ANKRD44: variants seen among roughly 807,000 people sequenced by gnomAD.
ANKRD44 encodes the protein ankyrin repeat domain 44.
A neutral mutation model predicts 116.0 loss-of-function variants in ANKRD44; 35 were observed. The observed-to-expected ratio is 0.30, with a 90% CI of 0.23 to 0.40. The LOEUF (loss-of-function observed/expected upper bound fraction) is 0.40, where lower values mean the gene tolerates loss of function less well. ANKRD44 is among the 10% of genes least tolerant of loss of function. The pLI, the probability that ANKRD44 is intolerant of heterozygous loss-of-function variation, is 1.00. For synonymous variants in ANKRD44, 435 were observed against 461.8 expected, an observed-to-expected ratio of 0.94 and a Z score of 0.74; for missense variants, 1,014 against 1,242.6, an observed-to-expected ratio of 0.82 and a Z score of 2.77.
intron 1 of ANKRD44, among the ~76,000 whole-genome samples, chr2:197,300,310 AC>A (rs1346223257): frequency 2.6e-5 from 4 of 152,102 alleles, no homozygotes; most frequent in Non-Finnish European, 5.9e-5. Flanking sequence ...AAATTTAGTC[AC>A]CAGGTTACCT....
intron 2 of ANKRD44, among the ~76,000 whole-genome samples, chr2:197,169,049 C>A (rs1006053623): frequency 2.6e-5 from 4 of 152,190 alleles, no homozygotes; most frequent in Non-Finnish European, 5.9e-5. Flanking sequence ...GCTCTGATGA[C>A]CGGCCCCTTT....
At chr2:197,025,111 C>T in intron 17 of ANKRD44, 85 bp downstream of exon 17, 1 of 1,356,090 alleles carries the variant, frequency 7.4e-7, no homozygotes, top group Non-Finnish European at 1.1e-6. Context: ...TGTGTTACTA[C>T]ATTTACATTT....
At chr2:197,177,211 T>A (rs2080386438) in intron 2 of ANKRD44, among the ~76,000 whole-genome samples, 1 of 152,222 alleles carries the variant, frequency 6.6e-6, no homozygotes, top group African/African-American at 2.4e-5. Context: ...TTTTTCATTG[T>A]AAAAGAAATT....
intron 1 of ANKRD44, among the ~76,000 whole-genome samples, chr2:197,193,707 G>A (rs1161801841): frequency 6.6e-6 from 1 of 151,932 alleles, no homozygotes; most frequent in Non-Finnish European, 1.5e-5. Flanking sequence ...GTGAAACCCC[G>A]TCTCTACTAA....
At chr2:196,979,314 C>T (rs2075782358) in intron 21 of ANKRD44, among the ~76,000 whole-genome samples, 1 of 134,220 alleles carries the variant, frequency 7.5e-6, no homozygotes, top group Non-Finnish European at 1.5e-5. Context: ...ACCCGGGAGG[C>T]GGAGCTTGCA....
chr2:197,294,924 A>G (rs1237544334), intron 1 of ANKRD44, among the ~76,000 whole-genome samples: 1 of 152,216 alleles, frequency 6.6e-6, no homozygotes, highest in Non-Finnish European at 1.5e-5. Flanking sequence ...TCAAAAGTAC[A>G]TATTAACTGT....
intron 1 of ANKRD44, among the ~76,000 whole-genome samples, chr2:197,207,997 T>C (rs1433454349): frequency 6.6e-6 from 1 of 152,206 alleles, no homozygotes; most frequent in Non-Finnish European, 1.5e-5. Context: ...CAGGGAGTTT[T>C]GTTGCTATTA....
intron 8 of ANKRD44, among the ~76,000 whole-genome samples, chr2:197,115,267 T>C (rs960006648): frequency 6.6e-5 from 10 of 152,230 alleles, no homozygotes; most frequent in Admixed American, 5.2e-4. Flanking sequence ...TCTAGTGCCT[T>C]CTTTAACGCT....
intron 1 of ANKRD44, among the ~76,000 whole-genome samples, chr2:197,232,780 C>T (rs1574325055): frequency 6.6e-6 from 1 of 152,174 alleles, no homozygotes; most frequent in Non-Finnish European, 1.5e-5. Flanking sequence ...CTTCTCGCCT[C>T]ATTTATTCCA....
chr2:197,241,311 A>C (rs1483633260), intron 1 of ANKRD44, among the ~76,000 whole-genome samples: 1 of 152,226 alleles, frequency 6.6e-6, no homozygotes, highest in Non-Finnish European at 1.5e-5. Flanking sequence ...ACACTGATTA[A>C]ATAATGCAAA....
At chr2:197,244,282 G>A (rs1205442195) in intron 1 of ANKRD44, among the ~76,000 whole-genome samples, 1 of 152,204 alleles carries the variant, frequency 6.6e-6, no homozygotes, top group Admixed American at 6.5e-5. Context: ...ACTACGTATA[G>A]TGTAATGGGA....
At chr2:197,190,242 A>G (rs954775650) in intron 1 of ANKRD44, among the ~76,000 whole-genome samples, 1 of 152,176 alleles carries the variant, frequency 6.6e-6, no homozygotes, top group African/African-American at 2.4e-5. Flanking sequence ...TGAGTCATAC[A>G]CAAACCCCTT....
chr2:197,117,384 C>A (rs548538742), intron 8 of ANKRD44, among the ~76,000 whole-genome samples: 1 of 152,196 alleles, frequency 6.6e-6, no homozygotes, highest in Non-Finnish European at 1.5e-5. Flanking sequence ...GGATTACAGG[C>A]ATGCGCCACC....
intron 27 of ANKRD44, among the ~76,000 whole-genome samples, chr2:196,993,076 T>C (rs1398988959): frequency 6.6e-6 from 1 of 152,184 alleles, no homozygotes; most frequent in Non-Finnish European, 1.5e-5. Context: ...GCTTCAAGCC[T>C]AGACGTTAAT....
chr2:197,145,291 A>AT (rs2079470291), intron 3 of ANKRD44, among the ~76,000 whole-genome samples: 1 of 76,190 alleles, frequency 1.3e-5, no homozygotes, highest in Non-Finnish European at 2.7e-5. Context: ...ACTCCGTCTC[A>AT]AAAATAAATA....
chr2:196,970,457 T>C (rs761277622), intron 21 of ANKRD44, among the ~76,000 whole-genome samples: 4 of 152,212 alleles, frequency 2.6e-5, no homozygotes, highest in Non-Finnish European at 4.4e-5. Flanking sequence ...AACTGTGTAT[T>C]CTTAAATTCT....
intron 2 of ANKRD44, among the ~76,000 whole-genome samples, chr2:197,158,176 A>G (rs1369025147): frequency 6.6e-6 from 1 of 152,304 alleles, no homozygotes; most frequent in East Asian, 1.9e-4. Context: ...TGAAAACCGA[A>G]GCAGGTCTTC....
intron 1 of ANKRD44, among the ~76,000 whole-genome samples, chr2:197,295,581 T>C (rs2083696540): frequency 6.6e-6 from 1 of 152,144 alleles, no homozygotes; most frequent in African/African-American, 2.4e-5. Flanking sequence ...CTGCAACCCC[T>C]GGGTTAAAAC....
At chr2:197,273,870 A>C (rs1200213957) in intron 1 of ANKRD44, among the ~76,000 whole-genome samples, 1 of 150,732 alleles carries the variant, frequency 6.6e-6, no homozygotes, top group African/African-American at 2.4e-5. Flanking sequence ...TAATTCCTTA[A>C]GCTGATCCAG....
Sources: gnomAD v4.1 joint callset for allele counts (sites outside exome capture counted in the v4.1 genomes callset) on GRCh38, gnomAD v4.1.1 for gene constraint, MANE v1.5 for transcripts, NCBI Gene and HGNC (gene_info 2026-07-23, HGNC 2026-07-21) for gene names.